Variants in COX11 observed in about 807,000 individuals in gnomAD.
The protein encoded by COX11 is cytochrome c oxidase assembly protein COX11, mitochondrial.
In COX11, 18 loss-of-function variants were observed where a neutral mutation model predicts 29.4. That is an observed-to-expected ratio of 0.61 (90% CI 0.42 to 0.91). The LOEUF is 0.91. COX11 is among the 40% of genes least tolerant of loss of function. The probability of loss-of-function intolerance (pLI) is 0.00; values close to 1 mark genes in which losing one functional copy is unlikely to be tolerated. For missense variants in COX11, 312 were observed against 346.0 expected (o/e 0.90, Z 0.78); for synonymous variants, 131 against 124.0 (o/e 1.06, Z -0.38).
At chr17:54,966,290 C>G (rs186672475) in intron 1 of COX11, among the ~76,000 whole-genome samples, 1 of 152,188 alleles carries the variant, frequency 6.6e-6, no homozygotes, top group South Asian at 2.1e-4. Flanking sequence ...GACTAGAAAA[C>G]AGCACTAAAA....
downstream of COX11, among the ~76,000 whole-genome samples, chr17:54,959,047 T>C (rs2077037934): frequency 6.6e-6 from 1 of 152,202 alleles, no homozygotes; most frequent in Non-Finnish European, 1.5e-5. Flanking sequence ...TCAAGACATT[T>C]AATGTATTAA....
At position 54,962,668 on chromosome 17, in the gene COX11, T is replaced by A; in HGVS notation, c.*65A>T. The A allele has an allele frequency of 6.5e-7, 1 of 1,547,712 alleles. No individual in the cohort carries two copies. The highest frequency in any genetic ancestry group is 8.7e-7 in the Non-Finnish European group (1 of 1,148,400). The stretch of plus-strand genomic sequence containing the variant: ...ATATTATTGTACAATATTTCTCCTT[T>A]GAGAAGATAGGATATATGATTTTCC... On this transcript the variant is annotated 3_prime_UTR_variant, in exon 4 of 4. Coordinates refer to ENST00000299335, the MANE Select transcript of COX11 (RefSeq NM_004375.5).
chr17:54,968,753 AC>A, upstream of COX11: 1 of 1,338,942 alleles, frequency 7.5e-7, no homozygotes, highest in Non-Finnish European at 1.0e-6. Flanking sequence ...TGCCTTGGCT[AC>A]CAGGCTCCTC....
At chr17:54,954,423 G>A (rs1279856611) in exon 1 of COX11, 1 of 152,226 alleles carries the variant, frequency 6.6e-6, no homozygotes, top group Admixed American at 6.5e-5. Context: ...ACCCTCCAGG[G>A]TTATATGCGT....
rs749550603 is a variant in COX11, at chr17:54,968,321, G to A, written c.326C>T (p.Ala109Val). Residue 109 changes from alanine (A) to valine (V), a missense_variant, in exon 1 of 4, where the codon GCG (alanine) becomes GTG (valine). By Grantham distance (64) the Ala-to-Val change is moderately conservative. Coordinates refer to ENST00000299335, the MANE Select transcript of COX11 (RefSeq NM_004375.5). ...ATAAAGGGGTACGGCAGCGTAGGAC[G>A]CCCCCAGCATGCCCACGGCGACAGC... ...VAAVAVGMLG[A>V]SYAAVPLYRL... is the part of the protein sequence containing the mutation. The A allele has an allele frequency of 2.4e-5, 38 of 1,612,644 alleles. No individual in the cohort carries two copies. Among genetic ancestry groups the A allele is most frequent in the Non-Finnish European group, 3.1e-5 (36 of 1,179,892 alleles).
At position 54,962,535 on chromosome 17, in the gene COX11, T is replaced by A; in HGVS notation, c.*198A>T. On this transcript the variant is annotated 3_prime_UTR_variant, in exon 4 of 4. Transcript: ENST00000299335. ...ATGGTATTGAATAGTCAGTCATATA[T>A]TCTAGCTAGGCATATGAGTTTCTTA... 1 of 1,292,606 alleles carries A rather than the reference T, an allele frequency of 7.7e-7. No homozygotes were observed. The highest frequency in any genetic ancestry group is 3.0e-4 in the Middle Eastern group (1 of 3,292). 80.1% of individuals were successfully genotyped at this position (1,292,606 alleles called of 1,614,324 possible). A position where few individuals can be genotyped will look rare whatever the true frequency, so the allele number is the denominator to read the frequency against.
At chr17:54,968,233 C>T in intron 1 of COX11, 48 bp downstream of exon 1, 1 of 1,584,648 alleles carries the variant, frequency 6.3e-7, no homozygotes, top group African/African-American at 1.4e-5. Flanking sequence ...TGTCTTGCAC[C>T]CCCACCTCTC....
Position 54,961,152 on chromosome 17 carries a change from C to T in COX11, c.*1581G>A. 1.0e-6 allele frequency: 1 copy of T among 968,342 alleles called. No homozygotes were observed. Among genetic ancestry groups the T allele is most frequent in the East Asian group, 2.6e-5 (1 of 38,316 alleles). 60.0% of individuals were successfully genotyped at this position (968,342 alleles called of 1,614,324 possible). ...TACTAGACTGTGACTCTCCAGCTTC[C>T]CAGTAAAGACAAGAGAGTTATCAAG... is the stretch of plus-strand genomic sequence containing the variant. On this transcript the variant is annotated 3_prime_UTR_variant, in exon 4 of 4. Coordinates refer to ENST00000299335, the MANE Select transcript of COX11 (RefSeq NM_004375.5).
chr17:54,967,926 T>C (rs1386661779), intron 1 of COX11, among the ~76,000 whole-genome samples: 4 of 151,464 alleles, frequency 2.6e-5, no homozygotes, highest in Non-Finnish European at 5.9e-5. Flanking sequence ...GTATGAATAA[T>C]ACATTTTAAA....
At chr17:54,954,641 A>C (rs2049400694) in exon 1 of COX11, 1 of 152,226 alleles carries the variant, frequency 6.6e-6, no homozygotes. Context: ...CCCCGAGTAG[A>C]GTTAGAGGGC....
At chr17:54,965,505 G>A (rs1011503197) in intron 1 of COX11, among the ~76,000 whole-genome samples, 1 of 152,132 alleles carries the variant, frequency 6.6e-6, no homozygotes, top group African/African-American at 2.4e-5. Context: ...GGCATCAAGA[G>A]TATTTATGTC....
Position 54,962,554 on chromosome 17 carries a change from T to C in COX11, c.*179A>G. The C allele has an allele frequency of 1.5e-6, 2 of 1,320,838 alleles. No individual in the cohort carries two copies. Among genetic ancestry groups the C allele is most frequent in the Non-Finnish European group, 1.9e-6 (2 of 1,038,606 alleles). The allele number at this position is 1,320,838 out of a possible 1,614,324, so 81.8% of individuals were successfully genotyped here. On this transcript the variant is annotated 3_prime_UTR_variant, in exon 4 of 4. Coordinates refer to ENST00000299335, the MANE Select transcript of COX11 (RefSeq NM_004375.5). ...CATATATTCTAGCTAGGCATATGAG[T>C]TTCTTATGATAAAAGCTGAACTTGT...
downstream of COX11, among the ~76,000 whole-genome samples, chr17:54,955,953 T>C (rs1343850621): frequency 2.6e-5 from 4 of 152,118 alleles, no homozygotes; most frequent in Non-Finnish European, 5.9e-5. Flanking sequence ...CCTTCTCTAG[T>C]CTCCTTCTTG....
In COX11 at chr17:54,961,189, GA is replaced by G; in HGVS notation, c.*1543del. The G allele has an allele frequency of 1.6e-6, 2 of 1,256,432 alleles. No homozygotes were observed. The highest frequency in any genetic ancestry group is 3.0e-5 in the African/African-American group (2 of 67,604). The allele number at this position is 1,256,432 out of a possible 1,614,324, so 77.8% of individuals were successfully genotyped here. A position where few individuals can be genotyped will look rare whatever the true frequency, so the allele number is the denominator to read the frequency against. On this transcript the variant is annotated 3_prime_UTR_variant, in exon 4 of 4. Transcript: ENST00000299335. ...AGAGAGTTATCAAGGAATGGGGAAA[GA>G]GAAGGACAGGATGAATACTGGCCAT...
chr17:54,968,681 G>C (rs752794161), upstream of COX11: 4 of 1,585,954 alleles, frequency 2.5e-6, no homozygotes, highest in South Asian at 1.1e-5. Context: ...GCCTCTCAGG[G>C]ACGAGAGGTC....
chr17:54,968,683 C>G (rs761114175), upstream of COX11: 60 of 1,584,066 alleles, frequency 3.8e-5, no homozygotes, highest in Non-Finnish European at 4.9e-5. Flanking sequence ...CTCTCAGGGA[C>G]GAGAGGTCAA....
chr17:54,956,446 C>T (rs909373239), downstream of COX11, among the ~76,000 whole-genome samples: 1 of 151,984 alleles, frequency 6.6e-6, no homozygotes, highest in African/African-American at 2.4e-5. Flanking sequence ...CTGGGGACTA[C>T]AAGCATGTGC....
downstream of COX11, among the ~76,000 whole-genome samples, chr17:54,955,839 G>A (rs34946336): frequency 0.23 from 34,699 of 152,164 alleles, 4,462 homozygotes; most frequent in South Asian, 0.31. Context: ...AAGCAGCACC[G>A]AGCAAAAGGT....
rs1457978646 is a variant in COX11, at chr17:54,960,599, C to A, written c.*2134G>T. ...ATGAAGAAATTGATGCTCACCAGCACAAAGGAGCTCAAAATGATGGTGACT... is the reference window on the plus strand; with the variant it reads ...ATGAAGAAATTGATGCTCACCAGCAAAAAGGAGCTCAAAATGATGGTGACT... On this transcript the variant is annotated 3_prime_UTR_variant, in exon 4 of 4. Transcript: ENST00000299335. The A allele has an allele frequency of 5.0e-6, 8 of 1,612,930 alleles. No individual in the cohort carries two copies. Among genetic ancestry groups the A allele is most frequent in the South Asian group, 4.4e-5 (4 of 91,034 alleles).
Sources: allele counts gnomAD v4.1 joint callset (sites outside exome capture counted in the v4.1 genomes callset), GRCh38; gene constraint gnomAD v4.1.1; transcripts MANE v1.5; gene names NCBI Gene and HGNC (gene_info 2026-07-23, HGNC 2026-07-21).